Variants in PCDH15 observed in about 807,000 individuals in gnomAD.
The protein encoded by PCDH15 is protocadherin related 15, also known as protocadherin-15.
A neutral mutation model predicts 178.5 loss-of-function variants in PCDH15; 129 were observed. The ratio of observed to expected loss-of-function variants is 0.72; its 90% CI spans 0.63 to 0.84. PCDH15 has a LOEUF of 0.84. Ranked by LOEUF, PCDH15 falls within the 40% of genes least tolerant of loss-of-function variation. The pLI, the probability that PCDH15 is intolerant of heterozygous loss-of-function variation, is 0.00. For synonymous variants in PCDH15, 800 were observed against 732.0 expected, an observed-to-expected ratio of 1.09 and a Z score of -1.50; for missense variants, 2,230 against 2,099.9, an observed-to-expected ratio of 1.06 and a Z score of -1.21.
chr10:54,799,850 TGAAAA>T (rs892233644), intron 1 of PCDH15, among the ~76,000 whole-genome samples: 15 of 152,138 alleles, frequency 9.9e-5, no homozygotes, highest in Admixed American at 2.6e-4. Context: ...CAATTTTCTG[TGAAAA>T]GAAAACAAAA....
chr10:54,723,367 C>T (rs980410376), intron 1 of PCDH15, among the ~76,000 whole-genome samples: 1 of 151,568 alleles, frequency 6.6e-6, no homozygotes, highest in South Asian at 2.1e-4. Context: ...GAAACTGGAA[C>T]CATATCTCTC....
chr10:55,055,173 C>A (rs990713870), intron 2 of PCDH15, among the ~76,000 whole-genome samples: 1 of 152,116 alleles, frequency 6.6e-6, no homozygotes, highest in African/African-American at 2.4e-5. Flanking sequence ...TTTAATCCAT[C>A]TTGTTAATTT....
intron 21 of PCDH15, among the ~76,000 whole-genome samples, chr10:53,963,882 T>A (rs555995167): frequency 1.3e-5 from 2 of 152,300 alleles, no homozygotes; most frequent in Non-Finnish European, 2.9e-5. Context: ...GTATTAAAAT[T>A]ATCTCATGAC....
At chr10:54,870,088 A>G (rs1479134891) in intron 3 of PCDH15, among the ~76,000 whole-genome samples, 1 of 152,222 alleles carries the variant, frequency 6.6e-6, no homozygotes, top group Non-Finnish European at 1.5e-5. Flanking sequence ...TGTCTATTTC[A>G]TGAGCACACT....
chr10:55,608,832 T>C (rs1843290801), intron 2 of PCDH15, among the ~76,000 whole-genome samples: 1 of 152,036 alleles, frequency 6.6e-6, no homozygotes, highest in South Asian at 2.1e-4. Context: ...TGGCATTTCA[T>C]TATCTGGATG....
At chr10:54,529,811 T>G (rs1334595838) in intron 2 of PCDH15, among the ~76,000 whole-genome samples, 1 of 152,108 alleles carries the variant, frequency 6.6e-6, no homozygotes, top group Non-Finnish European at 1.5e-5. Context: ...ATTTACTGTT[T>G]TATAAAATTC....
chr10:55,531,144 T>G (rs192434672), intron 2 of PCDH15, among the ~76,000 whole-genome samples: 60 of 152,118 alleles, frequency 3.9e-4, no homozygotes, highest in African/African-American at 1.4e-3. Flanking sequence ...ATTTTTAAAT[T>G]TATTGAATTA....
chr10:53,991,925 G>T (rs1389530546), intron 21 of PCDH15, among the ~76,000 whole-genome samples: 1 of 152,112 alleles, frequency 6.6e-6, no homozygotes, highest in Non-Finnish European at 1.5e-5. Flanking sequence ...GGGAATAAAA[G>T]CAGGCTGCCC....
intron 13 of PCDH15, among the ~76,000 whole-genome samples, chr10:54,173,195 T>A (rs2047085063): frequency 6.6e-6 from 1 of 152,192 alleles, no homozygotes; most frequent in African/African-American, 2.4e-5. Context: ...TAAGTCATAT[T>A]TGTCATGTAT....
chr10:54,611,179 C>T (rs1022148310), intron 2 of PCDH15, among the ~76,000 whole-genome samples: 1 of 151,716 alleles, frequency 6.6e-6, no homozygotes, highest in Non-Finnish European at 1.5e-5. Context: ...TCTATGCTAA[C>T]TCCCATTTTC....
chr10:53,823,539 A>C (rs2076458327), intron 32 of PCDH15: 9 of 745,284 alleles, frequency 1.2e-5, no homozygotes, highest in Non-Finnish European at 2.2e-5. Flanking sequence ...GCAGGGCAGA[A>C]AAATCTTAGA....
Position 54,029,456 on chromosome 10 carries a change from A to G in PCDH15, c.2221-6259T>C, listed in dbSNP as rs1382366495. Among the ~76,000 whole-genome samples the G allele has an allele frequency of 4.6e-5, 7 of 152,196 alleles. No homozygotes were observed. The East Asian group carries it at 5.8e-4, about 13-fold the overall frequency. Reference sequence around the variant, plus strand: ...ACATTTTTGTAATATACACCTTACTATGGGGCCTGATTTGTGGCTACTAAT... The same window carrying G: ...ACATTTTTGTAATATACACCTTACTGTGGGGCCTGATTTGTGGCTACTAAT... On this transcript the variant is annotated intron_variant, in intron 18 of 37. Coordinates refer to ENST00000644397, the MANE Select transcript of PCDH15 (RefSeq NM_001384140.1).
At chr10:54,556,388 C>G (rs1042846788) in intron 2 of PCDH15, among the ~76,000 whole-genome samples, 10 of 152,140 alleles carry the variant, frequency 6.6e-5, no homozygotes, top group African/African-American at 2.4e-4. Flanking sequence ...TATAATTCTA[C>G]TCTTATCCAA....
At chr10:54,169,978 T>C (rs1019108130) in intron 13 of PCDH15, among the ~76,000 whole-genome samples, 8 of 151,174 alleles carry the variant, frequency 5.3e-5, no homozygotes, top group African/African-American at 9.8e-5. Flanking sequence ...CCTGCCTCTA[T>C]AACCCATTAT....
intron 20 of PCDH15, among the ~76,000 whole-genome samples, chr10:54,018,909 T>G (rs1415551291): frequency 6.6e-6 from 1 of 152,120 alleles, no homozygotes; most frequent in East Asian, 1.9e-4. Context: ...TAGATACAAC[T>G]GTGAATAAAA....
intron 27 of PCDH15, among the ~76,000 whole-genome samples, chr10:53,861,222 T>C (rs1384644867): frequency 6.6e-6 from 1 of 152,292 alleles, no homozygotes. Flanking sequence ...TGCAAATATT[T>C]CCAGAAATTT....
chr10:54,160,968 T>C (rs1468231453), intron 13 of PCDH15, among the ~76,000 whole-genome samples: 2 of 152,166 alleles, frequency 1.3e-5, no homozygotes, highest in Non-Finnish European at 2.9e-5. Flanking sequence ...TGACAGTTTA[T>C]TTAAAAAGTA....
In PCDH15 at chr10:55,305,242, A is replaced by G. The variant is rs747770921; in HGVS notation, c.-156+14357T>C. Among the ~76,000 whole-genome samples, 6 of 152,254 alleles carry G rather than the reference A, an allele frequency of 3.9e-5. 1 individual carries two copies. Among genetic ancestry groups the G allele is most frequent in the Non-Finnish European group, 8.8e-5 (6 of 68,056 alleles). On this transcript the variant is annotated intron_variant, in intron 1 of 5. Transcript: ENST00000458638. ...AAACTTTGGGCTAGATGACTAGCTC[A>G]TGACCCACCAGTTGAATTGGATCTG...
At chr10:54,504,485 C>A (rs1223376079) in intron 3 of PCDH15, among the ~76,000 whole-genome samples, 1 of 152,070 alleles carries the variant, frequency 6.6e-6, no homozygotes, top group African/African-American at 2.4e-5. Context: ...TATTTTACTG[C>A]CTATTTTATA....
Sources: gnomAD v4.1 joint callset for allele counts (sites outside exome capture counted in the v4.1 genomes callset) on GRCh38, gnomAD v4.1.1 for gene constraint, MANE v1.5 for transcripts, NCBI Gene and HGNC (gene_info 2026-07-23, HGNC 2026-07-21) for gene names.